The following C14orf132 variants were observed in gnomAD, a reference collection of about 807,000 sequenced individuals.
C14orf132 encodes uncharacterized protein C14orf132.
C14orf132 carries 6 observed loss-of-function variants against 5.8 expected under a neutral mutation model. The observed-to-expected ratio is 1.03, with a 90% CI of 0.57 to 2.04. The LOEUF (loss-of-function observed/expected upper bound fraction) is 2.04, where lower values mean the gene tolerates loss of function less well. Among genes scored for constraint, C14orf132 ranks in the 30% most tolerant of loss-of-function variants. The pLI is 0.00. For missense variants in C14orf132, 125 were observed against 115.8 expected (o/e 1.08, Z -0.37); for synonymous variants, 51 against 49.8 (o/e 1.02, Z -0.10).
intron 1 of C14orf132, among the ~76,000 whole-genome samples, chr14:96,067,209 T>C (rs1212001390): frequency 6.6e-6 from 1 of 152,132 alleles, no homozygotes; most frequent in African/African-American, 2.4e-5. Context: ...AGCACTTCTG[T>C]CAAAGGCAGT....
At chr14:96,054,309 C>T (rs938748977) in intron 1 of C14orf132, among the ~76,000 whole-genome samples, 16 of 152,190 alleles carry the variant, frequency 1.1e-4, no homozygotes, top group African/African-American at 3.1e-4. Context: ...GGGGAAATCA[C>T]GTCATGGTCC....
At chr14:96,086,454 G>T in intron 1 of C14orf132, 57 bp from the exon 2 acceptor site, 1 of 1,479,366 alleles carries the variant, frequency 6.8e-7, no homozygotes, top group South Asian at 1.2e-5. Flanking sequence ...CCTTTTGCAG[G>T]GTACATCTGC....
chr14:96,040,229 G>C, intron 1 of C14orf132: 1 of 393,756 alleles, frequency 2.5e-6, no homozygotes, highest in Non-Finnish European at 4.5e-6. Flanking sequence ...GGAGTTCTGA[G>C]CTTGGGTGAT....
rs77778642 is a variant in C14orf132, at chr14:96,065,718, A to G, written c.28-20793A>G. On this transcript the variant is annotated intron_variant, in intron 1 of 1. Transcript: ENST00000555004. Reference sequence around the variant, plus strand: ...TGTTCAGCCAATGAACGAGATAACAATTGAACAAACACATTCCCCACCCAT... The same window carrying G: ...TGTTCAGCCAATGAACGAGATAACAGTTGAACAAACACATTCCCCACCCAT... Among the ~76,000 whole-genome samples the G allele has an allele frequency of 6.7e-3, 1,015 of 152,192 alleles. 8 individuals carry two copies. Among genetic ancestry groups the G allele is most frequent in the African/African-American group, 0.023 (971 of 41,466 alleles).
chr14:96,074,711 AT>A, intron 1 of C14orf132, among the ~76,000 whole-genome samples: 1 of 151,982 alleles, frequency 6.6e-6, no homozygotes, highest in Non-Finnish European at 1.5e-5. Flanking sequence ...TGCCTTTGCA[AT>A]TTTTTCAAAA....
At chr14:96,040,134 A>G (rs1035626229) in intron 1 of C14orf132, 1 of 69,614 alleles carries the variant, frequency 1.4e-5, no homozygotes, top group Non-Finnish European at 2.7e-5. Flanking sequence ...GAACCCCCCC[A>G]CCCCCCTCCC....
chr14:96,073,865 G>T (rs1258365002), intron 1 of C14orf132, among the ~76,000 whole-genome samples: 1 of 152,202 alleles, frequency 6.6e-6, no homozygotes, highest in African/African-American at 2.4e-5. Context: ...CCATAAAAAG[G>T]AATGAGATCA....
intron 1 of C14orf132, among the ~76,000 whole-genome samples, chr14:96,086,105 A>T (rs899372241): frequency 6.6e-6 from 1 of 151,928 alleles, no homozygotes; most frequent in African/African-American, 2.4e-5. Flanking sequence ...CCTGTTTTAT[A>T]TTTTCTTAGG....
At chr14:96,062,827 C>G (rs2139660422) in intron 1 of C14orf132, among the ~76,000 whole-genome samples, 1 of 152,292 alleles carries the variant, frequency 6.6e-6, no homozygotes, top group East Asian at 1.9e-4. Context: ...CTTACATACT[C>G]TCAGGATGAA....
intron 1 of C14orf132, among the ~76,000 whole-genome samples, chr14:96,065,423 G>T (rs1887502270): frequency 6.6e-6 from 1 of 152,036 alleles, no homozygotes; most frequent in Non-Finnish European, 1.5e-5. Flanking sequence ...AAACCAAAAG[G>T]ATCCACTTAG....
intron 1 of C14orf132, among the ~76,000 whole-genome samples, chr14:96,051,409 G>T (rs1887021600): frequency 6.6e-6 from 1 of 152,206 alleles, no homozygotes; most frequent in Non-Finnish European, 1.5e-5. Context: ...GAGGGGAAAT[G>T]CCGGGAGCAG....
chr14:96,080,486 C>G (rs11625376), intron 1 of C14orf132, among the ~76,000 whole-genome samples: 21 of 152,094 alleles, frequency 1.4e-4, no homozygotes. Flanking sequence ...TCACAATCAC[C>G]CTTCTATTGT....
intron 1 of C14orf132, among the ~76,000 whole-genome samples, chr14:96,081,744 G>A (rs2139680426): frequency 6.6e-6 from 1 of 152,088 alleles, no homozygotes; most frequent in South Asian, 2.1e-4. Context: ...GACCACAAGT[G>A]TGCACCACCA....
At chr14:96,085,037 G>A (rs576682294) in intron 1 of C14orf132, among the ~76,000 whole-genome samples, 38 of 152,288 alleles carry the variant, frequency 2.5e-4, no homozygotes, top group African/African-American at 8.2e-4. Flanking sequence ...ATGCAGAGCC[G>A]GGAGTGCCTG....
At chr14:96,059,804 A>G (rs1887292817) in intron 1 of C14orf132, among the ~76,000 whole-genome samples, 1 of 150,894 alleles carries the variant, frequency 6.6e-6, no homozygotes, top group African/African-American at 2.4e-5. Context: ...TCCTTTCTTC[A>G]CTCTTGCCAG....
At chr14:96,042,419 G>C (rs991740903) in intron 1 of C14orf132, among the ~76,000 whole-genome samples, 3 of 152,190 alleles carry the variant, frequency 2.0e-5, no homozygotes, top group African/African-American at 7.2e-5. Context: ...AGCCCCTGTA[G>C]AGGATAGAAG....
At chr14:96,063,912 G>A (rs1887439385) in intron 1 of C14orf132, among the ~76,000 whole-genome samples, 1 of 152,034 alleles carries the variant, frequency 6.6e-6, no homozygotes, top group African/African-American at 2.4e-5. Context: ...AGTGAGCTAA[G>A]GACATGAATA....
chr14:96,063,692 A>G (rs1305113995), intron 1 of C14orf132, among the ~76,000 whole-genome samples: 2 of 152,158 alleles, frequency 1.3e-5, no homozygotes, highest in Non-Finnish European at 2.9e-5. Flanking sequence ...ACCCAAAAGC[A>G]AATGCAATAA....
chr14:96,057,890 T>C (rs1281150161), intron 1 of C14orf132, among the ~76,000 whole-genome samples: 1 of 152,152 alleles, frequency 6.6e-6, no homozygotes, highest in East Asian at 1.9e-4. Flanking sequence ...TTGGTTCCTG[T>C]CGCGGAGGTT....
Sources: allele counts gnomAD v4.1 joint callset (sites outside exome capture counted in the v4.1 genomes callset), GRCh38; gene constraint gnomAD v4.1.1; transcripts MANE v1.5; gene names NCBI Gene and HGNC (gene_info 2026-07-23, HGNC 2026-07-21).